Variants in ATP13A3 observed in about 807,000 individuals in gnomAD.
The protein encoded by ATP13A3 is ATPase 13A3, also known as polyamine-transporting ATPase 13A3.
Under a neutral mutation model 158.1 loss-of-function variants are expected in ATP13A3, and 59 were observed. That is an observed-to-expected ratio of 0.37 (90% CI 0.30 to 0.46). ATP13A3 has a LOEUF of 0.46. Ranked by LOEUF, ATP13A3 falls within the 20% of genes least tolerant of loss-of-function variation. The pLI, the probability that ATP13A3 is intolerant of heterozygous loss-of-function variation, is 1.00. For synonymous variants in ATP13A3, 491 were observed against 504.3 expected (o/e 0.97, Z 0.35); for missense variants, 1,166 against 1,525.2 (o/e 0.76, Z 3.92).
chr3:194,431,748 T>C lies in ATP13A3; in HGVS notation c.2390A>G (p.Gln797Arg). 1.2e-6 allele frequency: 2 copies of C among 1,605,694 alleles called. No individual in the cohort carries two copies. Among genetic ancestry groups the C allele is most frequent in the Admixed American group, 3.4e-5 (2 of 58,288 alleles). ...INWHYADSLTQCSHPSAIDPE... is the reference protein window; with the variant it reads ...INWHYADSLTRCSHPSAIDPE... ...GTCAATTGCTGATGGATGACTGCACTGCGTGAGGGAGTCTGCATAATGCCA... is the reference window on the plus strand; with the variant it reads ...GTCAATTGCTGATGGATGACTGCACCGCGTGAGGGAGTCTGCATAATGCCA... Residue 797 changes from glutamine (Q) to arginine (R), a missense_variant, in exon 22 of 34, where the codon CAG becomes CGG. Physicochemically the swap from Gln to Arg is conservative, Grantham distance 43 (BLOSUM62 1). Transcript: ENST00000645319.
At chr3:194,453,618 G>C in intron 10 of ATP13A3, 88 bp downstream of exon 10, 1 of 967,406 alleles carries the variant, frequency 1.0e-6, no homozygotes. Flanking sequence ...ATCAAAGAAT[G>C]TATATGTATT....
At chr3:194,488,518 T>A (rs1721089845), upstream of ATP13A3, 1 of 152,618 alleles carries the variant, frequency 6.6e-6, no homozygotes, top group Admixed American at 6.5e-5. This position sits in a 1 kb window ranked among gnomAD's most constrained non-coding sequence, Gnocchi z 4.1. Flanking sequence ...CTTGGCATTC[T>A]GGCTTCTCCT....
At chr3:194,425,735 C>A (rs1716721375) in intron 29 of ATP13A3, among the ~76,000 whole-genome samples, 1 of 152,150 alleles carries the variant, frequency 6.6e-6, no homozygotes, top group Non-Finnish European at 1.5e-5. Flanking sequence ...ACATCTCAAC[C>A]ACTTAAAAAA....
intron 15 of ATP13A3, 125 bp from the exon 16 acceptor site, chr3:194,441,586 AAGAG>A (rs1718056072): frequency 3.6e-6 from 3 of 830,422 alleles, no homozygotes; most frequent in Non-Finnish European, 3.7e-6. Context: ...GCTCCTAAGA[AAGAG>A]AAACTGTCAA....
chr3:194,444,712 A>G lies in ATP13A3; in HGVS notation c.1559+13T>C. 2 of 1,573,678 alleles carry G rather than the reference A, an allele frequency of 1.3e-6. No homozygotes were observed. Among genetic ancestry groups the G allele is most frequent in the Non-Finnish European group, 1.7e-6 (2 of 1,161,820 alleles). On this transcript the variant is annotated intron_variant, in intron 15 of 33. Coordinates refer to ENST00000645319, the MANE Select transcript of ATP13A3 (RefSeq NM_001367549.1). ...AATAAACTAATAAACTATCAAGTCTAACTAATATTTACCGTGCATTTTCCA... is the reference window on the plus strand; with the variant it reads ...AATAAACTAATAAACTATCAAGTCTGACTAATATTTACCGTGCATTTTCCA...
At chr3:194,443,885 A>C (rs946531892) in intron 15 of ATP13A3, among the ~76,000 whole-genome samples, 2 of 152,184 alleles carry the variant, frequency 1.3e-5, no homozygotes, top group African/African-American at 4.8e-5. Flanking sequence ...CTAACAAATA[A>C]GATAGACTTC....
At chr3:194,458,425 T>C (rs1175968361) in intron 6 of ATP13A3, among the ~76,000 whole-genome samples, 1 of 152,148 alleles carries the variant, frequency 6.6e-6, no homozygotes, top group Non-Finnish European at 1.5e-5. Flanking sequence ...GTTTCGCTCT[T>C]TGGCCCAGGC....
intron 2 of ATP13A3, among the ~76,000 whole-genome samples, 186 bp from the exon 3 acceptor site, chr3:194,462,422 C>T (rs1719728243): frequency 6.6e-6 from 1 of 152,206 alleles, no homozygotes; most frequent in Non-Finnish European, 1.5e-5. Flanking sequence ...CCAGCTCTAC[C>T]TCCCATCAGA....
intron 17 of ATP13A3, 124 bp from the exon 18 acceptor site, chr3:194,437,697 A>G (rs888516261): frequency 9.7e-7 from 1 of 1,033,304 alleles, no homozygotes; most frequent in Non-Finnish European, 1.4e-6. Flanking sequence ...ACTGTTTTTC[A>G]AAGTCAGGAT....
intron 6 of ATP13A3, among the ~76,000 whole-genome samples, 175 bp from the exon 7 acceptor site, chr3:194,457,349 A>C (rs1377828274): frequency 2.0e-5 from 3 of 152,210 alleles, no homozygotes; most frequent in Admixed American, 6.5e-5. Context: ...AATTCTTAAG[A>C]TAAACAATGA....
intron 30 of ATP13A3, among the ~76,000 whole-genome samples, chr3:194,421,282 G>A (rs867929736): frequency 1.0e-4 from 15 of 144,852 alleles, no homozygotes; most frequent in African/African-American, 3.9e-4. Context: ...GGCTGGGCAC[G>A]GTGGCTCACG....
upstream of ATP13A3, chr3:194,487,530 C>T (rs1721060932): frequency 6.6e-6 from 1 of 152,268 alleles, no homozygotes; most frequent in African/African-American, 2.4e-5. Flanking sequence ...GCGCCCCGGC[C>T]GCAGGCGGAG....
chr3:194,447,719 C>T, intron 13 of ATP13A3, 133 bp downstream of exon 13: 4 of 787,794 alleles, frequency 5.1e-6, no homozygotes, highest in Non-Finnish European at 8.2e-6. Context: ...ACTTTGTTAG[C>T]ATTAAATTAA....
intron 16 of ATP13A3, among the ~76,000 whole-genome samples, chr3:194,440,475 G>A (rs778434351): frequency 4.6e-5 from 7 of 152,146 alleles, no homozygotes; most frequent in African/African-American, 9.7e-5. Context: ...AACCCCTGTC[G>A]ATAAGACCCC....
rs143357275 is a variant in ATP13A3, at chr3:194,466,977, A to G, written c.-46-4741T>C. ...ACTGACTCAAAAGTCCACTGACTCA[A>G]TCTACTATGTGCCAGGTATTATCCA... On this transcript the variant is annotated intron_variant, in intron 2 of 33. Coordinates refer to ENST00000645319, the MANE Select transcript of ATP13A3 (RefSeq NM_001367549.1). Among the ~76,000 whole-genome samples the G allele has an allele frequency of 1.3e-3, 195 of 152,338 alleles. 1 individual carries two copies. The highest frequency in any genetic ancestry group is 4.5e-3 in the African/African-American group (186 of 41,594).
chr3:194,448,121 A>C lies in ATP13A3; in HGVS notation c.1151-112T>G. 1 of 1,060,594 alleles carries C rather than the reference A, an allele frequency of 9.4e-7. No individual in the cohort carries two copies. Among genetic ancestry groups the C allele is most frequent in the East Asian group, 2.6e-5 (1 of 38,596 alleles). The allele number at this position is 1,060,594 out of a possible 1,614,324, so 65.7% of individuals were successfully genotyped here. A position where few individuals can be genotyped will look rare whatever the true frequency, so the allele number is the denominator to read the frequency against. ...GAGACAGAGTCTCGCTCTGTCACCC[A>C]GGCTGGAGTACAGTGGTGTGATCTC... On this transcript the variant is annotated intron_variant, in intron 12 of 33. Transcript: ENST00000645319. The surrounding 1 kb of genome is among the most constrained non-coding windows in gnomAD (Gnocchi z 4.0).
chr3:194,425,255 T>C (rs1716679413), intron 30 of ATP13A3, 87 bp downstream of exon 30: 3 of 1,233,264 alleles, frequency 2.4e-6, no homozygotes, highest in African/African-American at 3.1e-5. Context: ...TCTGGTTTAC[T>C]GTGGCAAAGA....
intron 33 of ATP13A3, among the ~76,000 whole-genome samples, chr3:194,409,928 T>C (rs566872381): frequency 6.6e-6 from 1 of 152,124 alleles, no homozygotes; most frequent in African/African-American, 2.4e-5. Context: ...AATGAAAGTA[T>C]GTCACTTTGT....
intron 14 of ATP13A3, among the ~76,000 whole-genome samples, chr3:194,445,129 C>T (rs1177234883): frequency 6.6e-6 from 1 of 151,310 alleles, no homozygotes; most frequent in East Asian, 1.9e-4. Context: ...GCCTATAAAG[C>T]AAAAAAGGAA....
Sources: gnomAD v4.1 joint callset for allele counts (sites outside exome capture counted in the v4.1 genomes callset) on GRCh38, gnomAD v4.1.1 for gene constraint, Gnocchi (gnomAD v3.1) non-coding constraint, MANE v1.5 for transcripts, NCBI Gene and HGNC (gene_info 2026-07-23, HGNC 2026-07-21) for gene names.